RBFOX1: variants seen among roughly 807,000 people sequenced by gnomAD.
RBFOX1 encodes the protein RNA binding fox-1 homolog 1, also known as RNA binding protein fox-1 homolog 1.
A neutral mutation model predicts 57.7 loss-of-function variants in RBFOX1; 8 were observed. The ratio of observed to expected loss-of-function variants is 0.14; its 90% confidence interval spans 0.08 to 0.25. The LOEUF (loss-of-function observed/expected upper bound fraction) is 0.25. Among genes scored for constraint, RBFOX1 ranks in the 10% least tolerant of loss-of-function variants. The probability of loss-of-function intolerance (pLI) is 1.00; values close to 1 mark genes in which losing one functional copy is unlikely to be tolerated. For missense variants in RBFOX1, 611 were observed against 548.5 expected (o/e 1.11, Z -1.14); for synonymous variants, 326 against 222.4 (o/e 1.47, Z -4.15).
chr16:6,809,770 G>C (rs1043284803), intron 3 of RBFOX1, among the ~76,000 whole-genome samples: 1 of 151,228 alleles, frequency 6.6e-6, no homozygotes, highest in Non-Finnish European at 1.5e-5. Context: ...ATCATAGAAA[G>C]CAGTGGCTTT....
Position 7,391,768 on chromosome 16 carries a change from T to A in RBFOX1, c.28-126379T>A, listed in dbSNP as rs996545759. ...CATATGTGCCTTTTATACAGTAGGC[T>A]TTTAACAGTGACTAAAAGGAAGAGT... On this transcript the variant is annotated intron_variant, in intron 4 of 15. Coordinates refer to ENST00000550418, the MANE Select transcript of RBFOX1 (RefSeq NM_018723.4). 9.8e-5 allele frequency among the ~76,000 whole-genome samples: 15 copies of A among 152,302 alleles called. No individual in the cohort carries two copies. In the South Asian group the frequency reaches 1.7e-3, roughly 17 times the overall value.
intron 1 of RBFOX1, among the ~76,000 whole-genome samples, chr16:5,390,248 T>C (rs1438969611): frequency 1.3e-5 from 2 of 151,684 alleles, no homozygotes; most frequent in Non-Finnish European, 2.9e-5. Context: ...TATATATGTA[T>C]GTAAAATATA....
intron 4 of RBFOX1, among the ~76,000 whole-genome samples, chr16:7,446,739 C>T (rs1435091927): frequency 6.6e-6 from 1 of 151,088 alleles, no homozygotes; most frequent in Admixed American, 6.6e-5. Flanking sequence ...TAAAGAAGAC[C>T]CTCCACTGTC....
At chr16:6,924,109 C>A (rs566832797) in intron 3 of RBFOX1, among the ~76,000 whole-genome samples, 4 of 151,950 alleles carry the variant, frequency 2.6e-5, no homozygotes, top group African/African-American at 9.7e-5. Context: ...GTGGAGGTTG[C>A]AGTGAGCTGA....
intron 4 of RBFOX1, among the ~76,000 whole-genome samples, chr16:7,488,115 T>G (rs2065900756): frequency 6.6e-6 from 1 of 152,256 alleles, no homozygotes; most frequent in Non-Finnish European, 1.5e-5. Context: ...GCTGGAGTGC[T>G]AATCCTCTTG....
chr16:6,950,364 C>T (rs1412029721), intron 3 of RBFOX1, among the ~76,000 whole-genome samples: 4 of 151,658 alleles, frequency 2.6e-5, no homozygotes, highest in South Asian at 2.1e-4. Context: ...GTGTGGATCT[C>T]TGTCCCTCTG....
At chr16:5,417,158 C>T (rs144477792) in intron 1 of RBFOX1, among the ~76,000 whole-genome samples, 41 of 152,306 alleles carry the variant, frequency 2.7e-4, no homozygotes, top group African/African-American at 9.6e-4. Context: ...CATTAAGCAG[C>T]CTTTTGTGAA....
intron 1 of RBFOX1, among the ~76,000 whole-genome samples, chr16:5,260,347 G>A (rs1033244894): frequency 7.2e-5 from 11 of 152,284 alleles, no homozygotes; most frequent in African/African-American, 2.6e-4. Context: ...TATTAAGTGA[G>A]CAGCATTCCT....
At chr16:5,821,954 T>C (rs1289688189) in intron 3 of RBFOX1, among the ~76,000 whole-genome samples, 1 of 152,230 alleles carries the variant, frequency 6.6e-6, no homozygotes, top group East Asian at 1.9e-4. Context: ...CATTGAGGAT[T>C]AAGTTCCAAC....
intron 10 of RBFOX1, among the ~76,000 whole-genome samples, chr16:7,607,552 G>T (rs373248233): frequency 2.0e-5 from 3 of 152,144 alleles, no homozygotes; most frequent in East Asian, 3.9e-4. Flanking sequence ...GATCAGCGTG[G>T]AGCCACTGCT....
chr16:6,500,898 T>A (rs2095896950), intron 2 of RBFOX1, among the ~76,000 whole-genome samples: 1 of 150,592 alleles, frequency 6.6e-6, no homozygotes, highest in African/African-American at 2.5e-5. Context: ...TTTTTTTTTT[T>A]TTTAATGCTG....
chr16:7,633,019 A>C (rs911378551), intron 11 of RBFOX1, among the ~76,000 whole-genome samples: 1 of 152,238 alleles, frequency 6.6e-6, no homozygotes, highest in Non-Finnish European at 1.5e-5. Context: ...TAGCTGAAGC[A>C]TAGAGAGAAA....
intron 4 of RBFOX1, among the ~76,000 whole-genome samples, chr16:7,206,546 G>A (rs971823964): frequency 3.3e-5 from 5 of 151,922 alleles, no homozygotes; most frequent in Non-Finnish European, 7.4e-5. Flanking sequence ...ATGAGTTGCT[G>A]CAATACCATT....
At chr16:7,564,540 CAAAAAAA>C (rs5815409) in intron 5 of RBFOX1, among the ~76,000 whole-genome samples, 6 of 82,518 alleles carry the variant, frequency 7.3e-5, no homozygotes, top group South Asian at 6.9e-4. Context: ...GACTCCATCT[CAAAAAAA>C]AAAAAAAAAA....
intron 3 of RBFOX1, among the ~76,000 whole-genome samples, chr16:6,890,085 T>G (rs1480595110): frequency 1.3e-5 from 2 of 152,214 alleles, no homozygotes; most frequent in Non-Finnish European, 2.9e-5. Flanking sequence ...GTAAAATGTG[T>G]TTAGCACAAA....
chr16:7,207,598 A>G (rs1266266780), intron 4 of RBFOX1, among the ~76,000 whole-genome samples: 2 of 152,246 alleles, frequency 1.3e-5, no homozygotes, highest in African/African-American at 2.4e-5. Context: ...CATGGAAACT[A>G]TGACAGCAAA....
intron 4 of RBFOX1, among the ~76,000 whole-genome samples, chr16:7,364,185 C>G (rs545162968): frequency 5.9e-5 from 9 of 152,174 alleles, no homozygotes; most frequent in East Asian, 1.9e-4. Flanking sequence ...GTCTGACGAG[C>G]TCTTGTCTGT....
Position 7,135,507 on chromosome 16 carries a change from T to C in RBFOX1, c.27+83409T>C, listed in dbSNP as rs575434864. Among the ~76,000 whole-genome samples, 15 of 152,334 alleles carry C rather than the reference T, an allele frequency of 9.8e-5. No individual in the cohort carries two copies. The South Asian group carries it at 3.1e-3, about 32-fold the overall frequency. On this transcript the variant is annotated intron_variant, in intron 4 of 15. Coordinates refer to ENST00000550418, the MANE Select transcript of RBFOX1 (RefSeq NM_018723.4). ...AATACTAAGGGGTGTGTTTTTGTAA[T>C]GAGGAAAAAGAGACAGAGCAATAAG...
chr16:7,518,086 G>C, intron 4 of RBFOX1, 61 bp from the exon 5 acceptor site: 17 of 1,555,580 alleles, frequency 1.1e-5, no homozygotes, highest in Non-Finnish European at 1.5e-5. Flanking sequence ...TGGGAGGAAG[G>C]TTTCTGCATG....
Sources: gnomAD v4.1 joint callset for allele counts (sites outside exome capture counted in the v4.1 genomes callset) on GRCh38, gnomAD v4.1.1 for gene constraint, MANE v1.5 for transcripts, NCBI Gene and HGNC (gene_info 2026-07-23, HGNC 2026-07-21) for gene names.